IL1RAPL2: variants seen among roughly 807,000 people sequenced by gnomAD.
The protein encoded by IL1RAPL2 is X-linked interleukin-1 receptor accessory protein-like 2.
In IL1RAPL2, 3 loss-of-function variants were observed where a neutral mutation model predicts 44.1. The observed-to-expected ratio is 0.07, with a 90% confidence interval of 0.03 to 0.18. IL1RAPL2 has a LOEUF of 0.18. IL1RAPL2 is among the 10% of genes least tolerant of loss of function. The pLI is 1.00. For missense variants in IL1RAPL2, 391 were observed against 496.4 expected (o/e 0.79, Z 2.02); for synonymous variants, 181 against 178.8 (o/e 1.01, Z -0.10).
intron 2 of IL1RAPL2, among the ~76,000 whole-genome samples, chrX:104,809,810 A>G (rs1186719128): frequency 2.7e-5 from 3 of 111,458 alleles, no homozygotes. Context: ...GCCCATGCCT[A>G]TGTCCTGAAT....
intron 2 of IL1RAPL2, among the ~76,000 whole-genome samples, chrX:105,075,054 C>T (rs751115688): frequency 9.0e-6 from 1 of 111,182 alleles, no homozygotes; most frequent in African/African-American, 3.3e-5. Context: ...GCCTGATTGC[C>T]CTGGCCAGAC....
intron 5 of IL1RAPL2, among the ~76,000 whole-genome samples, chrX:105,458,676 T>A (rs2036073081): frequency 1.8e-5 from 2 of 111,655 alleles, no homozygotes; most frequent in Admixed American, 9.6e-5. Context: ...TTTACGTTTT[T>A]CAGTCAGCCT....
At chrX:105,527,436 T>TTGTGTGTGTGTGTG (rs10687485) in intron 6 of IL1RAPL2, among the ~76,000 whole-genome samples, 1 of 95,634 alleles carries the variant, frequency 1.0e-5, no homozygotes, top group South Asian at 5.4e-4. Flanking sequence ...TGAGAGTGTG[T>TTGTGTGTGTGTGTG]TGTGTGTGTG....
At chrX:104,927,557 G>A (rs1403873203) in intron 2 of IL1RAPL2, among the ~76,000 whole-genome samples, 1 of 111,508 alleles carries the variant, frequency 9.0e-6, no homozygotes, top group Non-Finnish European at 1.9e-5. Flanking sequence ...CAATGCAAAA[G>A]TGATTGAATT....
intron 2 of IL1RAPL2, among the ~76,000 whole-genome samples, chrX:104,680,650 A>G (rs748134889): frequency 4.5e-5 from 5 of 111,677 alleles, no homozygotes; most frequent in Non-Finnish European, 7.5e-5. Context: ...AATTTCTATA[A>G]AATGAATCAT....
intron 2 of IL1RAPL2, among the ~76,000 whole-genome samples, chrX:105,025,927 C>T (rs986718875): frequency 6.3e-5 from 7 of 111,054 alleles, no homozygotes; most frequent in Non-Finnish European, 1.3e-4. Flanking sequence ...AAGAAAGGCC[C>T]TGAGCATAGG....
At position 104,694,386 on chromosome X, in the gene IL1RAPL2, T is replaced by C. The variant is rs190545046; in HGVS notation, c.82+35391T>C. ...TAGCCTGACCATTCACTAGTCCTGT[T>C]ATCTAGTGCTGCTAAGACTGGTTAA... On this transcript the variant is annotated intron_variant, in intron 2 of 10. Transcript: ENST00000372582. Among the ~76,000 whole-genome samples, 17 of 112,269 alleles carry C rather than the reference T, an allele frequency of 1.5e-4. No homozygotes were observed. The East Asian group carries it at 4.8e-3, about 32-fold the overall frequency.
At chrX:105,635,233 T>A (rs776423637) in intron 6 of IL1RAPL2, among the ~76,000 whole-genome samples, 1 of 111,654 alleles carries the variant, frequency 9.0e-6, no homozygotes, top group Non-Finnish European at 1.9e-5. Context: ...GGAAAGACGA[T>A]GAGCATGGCT....
chrX:104,599,775 A>G (rs1016494243), intron 1 of IL1RAPL2, among the ~76,000 whole-genome samples: 1 of 110,757 alleles, frequency 9.0e-6, no homozygotes, highest in African/African-American at 3.3e-5. Context: ...AATGAACTCC[A>G]GGTTGAAGAA....
chrX:105,032,517 T>C (rs1448474609), intron 2 of IL1RAPL2, among the ~76,000 whole-genome samples: 2 of 112,037 alleles, frequency 1.8e-5, no homozygotes, highest in African/African-American at 6.5e-5. Context: ...TTGTTCACTT[T>C]CCATGTAGTT....
intron 4 of IL1RAPL2, among the ~76,000 whole-genome samples, chrX:105,252,208 C>A (rs2034275328): frequency 9.0e-6 from 1 of 111,068 alleles, no homozygotes; most frequent in South Asian, 3.7e-4. Context: ...TGTCTGTCTT[C>A]CTTTACTTAG....
At chrX:105,258,900 A>G (rs2034335737) in intron 4 of IL1RAPL2, among the ~76,000 whole-genome samples, 1 of 111,179 alleles carries the variant, frequency 9.0e-6, no homozygotes, top group Non-Finnish European at 1.9e-5. Context: ...CTTTGTTCCT[A>G]TCCATATTCT....
intron 2 of IL1RAPL2, among the ~76,000 whole-genome samples, chrX:104,899,356 A>G (rs1381185391): frequency 8.9e-6 from 1 of 112,192 alleles, no homozygotes; most frequent in Non-Finnish European, 1.9e-5. Context: ...TTATTTGAAT[A>G]TCATTACAAA....
At chrX:104,729,573 T>C (rs1346957530) in intron 2 of IL1RAPL2, among the ~76,000 whole-genome samples, 9 of 107,933 alleles carry the variant, frequency 8.3e-5, no homozygotes, top group African/African-American at 3.0e-4. Context: ...AGTCATGTCA[T>C]GAGGGCATGT....
At chrX:104,837,745 G>A (rs1360070245) in intron 2 of IL1RAPL2, among the ~76,000 whole-genome samples, 1 of 111,659 alleles carries the variant, frequency 9.0e-6, no homozygotes, top group Non-Finnish European at 1.9e-5. Context: ...GATCCCATTT[G>A]TCAATTTTGG....
chrX:105,053,242 T>G, intron 2 of IL1RAPL2, among the ~76,000 whole-genome samples: 1 of 111,608 alleles, frequency 9.0e-6, no homozygotes, highest in East Asian at 2.8e-4. Flanking sequence ...GCCTGAAAAT[T>G]TTATTCTTTT....
intron 5 of IL1RAPL2, among the ~76,000 whole-genome samples, chrX:105,361,577 A>G (rs1456851840): frequency 9.0e-6 from 1 of 111,384 alleles, no homozygotes; most frequent in Non-Finnish European, 1.9e-5. Context: ...TGTATGTCGT[A>G]GTTAGAGACA....
At chrX:105,157,071 C>A (rs902019334) in intron 2 of IL1RAPL2, among the ~76,000 whole-genome samples, 1 of 103,048 alleles carries the variant, frequency 9.7e-6, no homozygotes, top group African/African-American at 3.7e-5. Context: ...CACAAGATCA[C>A]CTTCTATGCT....
intron 5 of IL1RAPL2, chrX:105,406,868 A>G (rs774741634): frequency 8.8e-7 from 1 of 1,142,478 alleles, no homozygotes; most frequent in African/African-American, 1.8e-5. Context: ...GCTACCTTAA[A>G]AGATGCAAAG....
Sources: gnomAD v4.1 joint callset for allele counts (sites outside exome capture counted in the v4.1 genomes callset) on GRCh38, gnomAD v4.1.1 for gene constraint, MANE v1.5 for transcripts, NCBI Gene and HGNC (gene_info 2026-07-23, HGNC 2026-07-21) for gene names.